The following CFDP1 variants were observed in gnomAD, a reference collection of about 807,000 sequenced individuals.
CFDP1 encodes chromatin remodeling protein CFDP1, also known as heterochromatin-stabilizing protein CFDP1.
A neutral mutation model predicts 40.1 loss-of-function variants in CFDP1; 31 were observed. That is an observed-to-expected ratio of 0.77 (90% confidence interval 0.58 to 1.04). The LOEUF (loss-of-function observed/expected upper bound fraction) is 1.04. CFDP1 is among the 50% of genes least tolerant of loss of function. The pLI, the probability that CFDP1 is intolerant of heterozygous loss-of-function variation, is 0.00. For synonymous variants in CFDP1, 167 were observed against 120.0 expected (o/e 1.39, Z -2.56); for missense variants, 423 against 343.4 (o/e 1.23, Z -1.83).
intron 4 of CFDP1, among the ~76,000 whole-genome samples, chr16:75,397,742 G>A (rs999710216): frequency 1.3e-5 from 2 of 151,704 alleles, no homozygotes; most frequent in Non-Finnish European, 2.9e-5. Flanking sequence ...GAAGGTGGAG[G>A]CTGCAGTCAG....
At chr16:75,351,747 C>T (rs1189924150) in intron 5 of CFDP1, among the ~76,000 whole-genome samples, 1 of 152,122 alleles carries the variant, frequency 6.6e-6, no homozygotes, top group Non-Finnish European at 1.5e-5. Context: ...GTGGCTCACG[C>T]CTGTAATTCC....
chr16:75,430,753 T>G (rs2079403432), intron 1 of CFDP1, among the ~76,000 whole-genome samples: 1 of 152,166 alleles, frequency 6.6e-6, no homozygotes, highest in South Asian at 2.1e-4. Context: ...CTCGAGCCAC[T>G]GCTCGGCTGA....
chr16:75,359,642 T>C (rs964629718), intron 5 of CFDP1, among the ~76,000 whole-genome samples: 1 of 152,162 alleles, frequency 6.6e-6, no homozygotes, highest in African/African-American at 2.4e-5. Flanking sequence ...GCCCTAACCA[T>C]GATCACCTCC....
At chr16:75,414,334 T>G (rs1466014716) in intron 2 of CFDP1, among the ~76,000 whole-genome samples, 4 of 152,242 alleles carry the variant, frequency 2.6e-5, no homozygotes, top group East Asian at 1.9e-4. Context: ...TTTCAGGGAC[T>G]GAATTTTCTG....
intron 1 of CFDP1, among the ~76,000 whole-genome samples, chr16:75,416,124 T>C (rs779184077): frequency 2.2e-4 from 34 of 152,112 alleles, no homozygotes; most frequent in Non-Finnish European, 4.1e-4. Context: ...AGTGCTGCGA[T>C]TACAGACAGG....
At chr16:75,418,306 CTTTT>C (rs60458195) in intron 1 of CFDP1, among the ~76,000 whole-genome samples, 155 of 107,156 alleles carry the variant, frequency 1.4e-3, no homozygotes, top group East Asian at 7.6e-3. Context: ...AACTCTAACC[CTTTT>C]TTTTTTTTTT....
At chr16:75,412,008 C>T (rs247435) in intron 3 of CFDP1, 56 bp from the exon 4 acceptor site, 1,528,823 of 1,534,008 alleles carry the variant, frequency 1, 761,951 homozygotes, top group East Asian at 1. Flanking sequence ...ATATTGTTTA[C>T]AGATACTTTT....
intron 5 of CFDP1, among the ~76,000 whole-genome samples, chr16:75,376,886 A>C (rs779344503): frequency 6.6e-6 from 1 of 152,196 alleles, no homozygotes; most frequent in Non-Finnish European, 1.5e-5. Context: ...TTTTCCTAGA[A>C]ATTTCTGCAT....
chr16:75,347,063 G>A (rs1033196437), intron 5 of CFDP1, among the ~76,000 whole-genome samples: 3 of 152,082 alleles, frequency 2.0e-5, no homozygotes, highest in African/African-American at 7.2e-5. Flanking sequence ...AGAAAGAACA[G>A]GCCAGGCACG....
intron 6 of CFDP1, among the ~76,000 whole-genome samples, chr16:75,295,621 C>T (rs1435204713): frequency 6.6e-6 from 1 of 152,194 alleles, no homozygotes; most frequent in Non-Finnish European, 1.5e-5. Context: ...TGGTCTGGCT[C>T]AGGTACTAAG....
chr16:75,326,715 A>G (rs2078403877), intron 5 of CFDP1, among the ~76,000 whole-genome samples: 1 of 152,198 alleles, frequency 6.6e-6, no homozygotes, highest in South Asian at 2.1e-4. Context: ...TTCCAAGGAG[A>G]GCGGTAAAAT....
At chr16:75,397,618 T>G (rs986020688) in intron 4 of CFDP1, among the ~76,000 whole-genome samples, 1 of 151,858 alleles carries the variant, frequency 6.6e-6, no homozygotes, top group Non-Finnish European at 1.5e-5. Flanking sequence ...CAGGCCAACA[T>G]GGTGAAACCC....
chr16:75,390,006 C>T (rs1250940767), intron 5 of CFDP1, among the ~76,000 whole-genome samples: 1 of 152,200 alleles, frequency 6.6e-6, no homozygotes, highest in Non-Finnish European at 1.5e-5. Context: ...TTTTCACGTA[C>T]AACTCTAAGG....
In CFDP1 at chr16:75,430,731, T is replaced by C. The variant is rs139268378; in HGVS notation, c.64+2558A>G. ...CACCAGCCTCTGCCTCCCTAAGTGA[T>C]AGGATTATAGGCTCGAGCCACTGCT... is the stretch of plus-strand genomic sequence containing the variant. On this transcript the variant is annotated intron_variant, in intron 1 of 6. Transcript: ENST00000283882. Among the ~76,000 whole-genome samples the C allele has an allele frequency of 1.7e-3, 265 of 152,272 alleles. 7 individuals carry two copies. The East Asian group carries it at 0.036, about 21-fold the overall frequency.
chr16:75,309,646 C>A (rs892108737), intron 5 of CFDP1, among the ~76,000 whole-genome samples: 1 of 151,922 alleles, frequency 6.6e-6, no homozygotes, highest in South Asian at 2.1e-4. Context: ...CGGTGAAACC[C>A]CGTCTCTACT....
chr16:75,409,024 A>T (rs1379109179), intron 4 of CFDP1, among the ~76,000 whole-genome samples: 1 of 151,134 alleles, frequency 6.6e-6, no homozygotes, highest in Non-Finnish European at 1.5e-5. Context: ...CACCTGGCTA[A>T]TTTTTTTTAT....
chr16:75,407,781 C>T (rs898489059), intron 4 of CFDP1, among the ~76,000 whole-genome samples: 1 of 151,620 alleles, frequency 6.6e-6, no homozygotes, highest in Admixed American at 6.6e-5. Flanking sequence ...TTGAAAATGG[C>T]TATAATGAAG....
At chr16:75,344,827 G>T (rs1441708643) in intron 5 of CFDP1, among the ~76,000 whole-genome samples, 2 of 152,144 alleles carry the variant, frequency 1.3e-5, no homozygotes, top group East Asian at 3.9e-4. Context: ...AGCTACTTGG[G>T]AGGGTAAGGC....
chr16:75,387,172 C>T (rs913505286), intron 5 of CFDP1, among the ~76,000 whole-genome samples: 4 of 148,062 alleles, frequency 2.7e-5, no homozygotes, highest in Non-Finnish European at 5.9e-5. Flanking sequence ...CGGAGTCTCG[C>T]TCTTGTTGCC....
Sources: allele counts gnomAD v4.1 joint callset (sites outside exome capture counted in the v4.1 genomes callset), GRCh38; gene constraint gnomAD v4.1.1; transcripts MANE v1.5; gene names NCBI Gene and HGNC (gene_info 2026-07-23, HGNC 2026-07-21).